Variants in NUMB observed in about 807,000 individuals in gnomAD.
The protein encoded by NUMB is protein numb homolog.
In NUMB, 29 loss-of-function variants were observed where a neutral mutation model predicts 59.7. That is an observed-to-expected ratio of 0.49 (90% CI 0.36 to 0.66). NUMB has a LOEUF of 0.66. Ranked by LOEUF, NUMB falls within the 30% of genes least tolerant of loss-of-function variation. The pLI, the probability that NUMB is intolerant of heterozygous loss-of-function variation, is 0.00. For synonymous variants in NUMB, 288 were observed against 288.2 expected (o/e 1.00, Z 0.01); for missense variants, 723 against 822.0 (o/e 0.88, Z 1.47).
At chr14:73,356,581 T>G (rs571436597) in intron 3 of NUMB, among the ~76,000 whole-genome samples, 1 of 152,200 alleles carries the variant, frequency 6.6e-6, no homozygotes, top group South Asian at 2.1e-4. Context: ...AGGTGGAGGT[T>G]GCAGTGAGCC....
chr14:73,390,517 A>C (rs1895785936), intron 2 of NUMB, among the ~76,000 whole-genome samples: 1 of 151,932 alleles, frequency 6.6e-6, no homozygotes, highest in South Asian at 2.1e-4. Context: ...CAATCCTCCA[A>C]AGCAAAGTCA....
chr14:73,444,855 CAA>C (rs11370548), intron 1 of NUMB, among the ~76,000 whole-genome samples: 80 of 118,476 alleles, frequency 6.8e-4, no homozygotes, highest in African/African-American at 2.1e-3. Flanking sequence ...CACTCCGTCT[CAA>C]AAAAAAAAAA....
intron 2 of NUMB, among the ~76,000 whole-genome samples, chr14:73,372,319 A>ATATATATATAACCTTT (rs1566766463): frequency 2.7e-4 from 29 of 107,768 alleles, no homozygotes; most frequent in Middle Eastern, 4.9e-3. Flanking sequence ...ATATATATAT[A>ATATATATATAACCTTT]TATATATATA....
intron 4 of NUMB, among the ~76,000 whole-genome samples, chr14:73,331,104 C>T (rs1333791129): frequency 1.3e-5 from 2 of 152,044 alleles, no homozygotes; most frequent in Non-Finnish European, 2.9e-5. Flanking sequence ...TCTTAAAGTG[C>T]TAATTCTCTT....
chr14:73,292,812 A>G lies in NUMB; in HGVS notation c.372T>C (p.Asp124=), dbSNP rs1246030237. Residue 124 remains aspartate (D), a synonymous_variant, in exon 8 of 13, where the codon GAT becomes GAC. Coordinates refer to ENST00000555238, the MANE Select transcript of NUMB (RefSeq NM_001005743.2). The part of the protein sequence containing the change: ...VSFCAPDRNF[D]RAFSYICRDG... ...CACGGCATATGTAAGAAAAGGCTCT[A>G]TCAAAGTTCCTGTCTGGGGCACAGA... 1.2e-6 allele frequency: 2 copies of G among 1,614,114 alleles called. No homozygotes were observed. Among genetic ancestry groups the G allele is most frequent in the Non-Finnish European group, 8.5e-7 (1 of 1,180,032 alleles).
intron 1 of NUMB, among the ~76,000 whole-genome samples, chr14:73,415,943 A>G (rs1295279884): frequency 6.6e-6 from 1 of 152,210 alleles, no homozygotes; most frequent in Non-Finnish European, 1.5e-5. Context: ...AGAAAGAAAA[A>G]AAATCTAGAT....
At chr14:73,385,378 G>A (rs921217972) in intron 2 of NUMB, among the ~76,000 whole-genome samples, 14 of 147,578 alleles carry the variant, frequency 9.5e-5, no homozygotes, top group Middle Eastern at 3.5e-3. Context: ...AAACTCCTGG[G>A]CTCAAGTGAT....
chr14:73,384,877 C>G (rs549295003), intron 2 of NUMB, among the ~76,000 whole-genome samples: 2 of 148,854 alleles, frequency 1.3e-5, no homozygotes, highest in East Asian at 4.1e-4. Flanking sequence ...CATGCCCAGC[C>G]AAATAACTGT....
At chr14:73,361,651 T>C (rs754993758) in intron 3 of NUMB, among the ~76,000 whole-genome samples, 2 of 152,180 alleles carry the variant, frequency 1.3e-5, no homozygotes, top group Non-Finnish European at 2.9e-5. Flanking sequence ...GTCTGTTGTT[T>C]CCTTGTGTTC....
At chr14:73,338,314 A>G (rs1368071492) in intron 4 of NUMB, among the ~76,000 whole-genome samples, 1 of 152,082 alleles carries the variant, frequency 6.6e-6, no homozygotes, top group Non-Finnish European at 1.5e-5. Context: ...AAAAAAAAAA[A>G]GTTAACTTAT....
At chr14:73,423,744 A>G (rs1019948306) in intron 1 of NUMB, among the ~76,000 whole-genome samples, 14 of 152,044 alleles carry the variant, frequency 9.2e-5, no homozygotes, top group African/African-American at 3.4e-4. Flanking sequence ...CAGGAGGCAG[A>G]GGTTGTAGTG....
intron 2 of NUMB, among the ~76,000 whole-genome samples, chr14:73,381,627 A>C (rs1895250378): frequency 6.6e-6 from 1 of 152,166 alleles, no homozygotes; most frequent in African/African-American, 2.4e-5. Flanking sequence ...CCACTATAAG[A>C]AGTTCATAAC....
intron 4 of NUMB, among the ~76,000 whole-genome samples, chr14:73,326,172 G>C (rs1333887032): frequency 6.6e-6 from 1 of 152,152 alleles, no homozygotes; most frequent in East Asian, 1.9e-4. Flanking sequence ...CCCTGCAGCT[G>C]CACAGGTAAG....
intron 6 of NUMB, among the ~76,000 whole-genome samples, chr14:73,301,159 G>A (rs111518559): frequency 0.012 from 1,889 of 152,240 alleles, 39 homozygotes; most frequent in African/African-American, 0.043. Flanking sequence ...GAAAAAATAC[G>A]CTAAATATCT....
chr14:73,301,403 A>G (rs1054198809), intron 6 of NUMB, among the ~76,000 whole-genome samples: 1 of 152,192 alleles, frequency 6.6e-6, no homozygotes, highest in Non-Finnish European at 1.5e-5. Context: ...TCTCCTTACA[A>G]TATTCAGGGA....
At chr14:73,449,998 T>G (rs550664629) in intron 1 of NUMB, among the ~76,000 whole-genome samples, 3 of 152,352 alleles carry the variant, frequency 2.0e-5, no homozygotes, top group Non-Finnish European at 4.4e-5. Context: ...TTAAAATACC[T>G]GTAATGTTTT....
chr14:73,424,594 T>C (rs935683162), intron 1 of NUMB, among the ~76,000 whole-genome samples: 1 of 152,170 alleles, frequency 6.6e-6, no homozygotes, highest in African/African-American at 2.4e-5. Flanking sequence ...TACTCAGGGC[T>C]TGATGTAAGA....
chr14:73,431,856 C>A (rs1403390303), intron 1 of NUMB, among the ~76,000 whole-genome samples: 1 of 152,044 alleles, frequency 6.6e-6, no homozygotes, highest in African/African-American at 2.4e-5. Context: ...TATACTTACT[C>A]TTTCTAAAAT....
intron 1 of NUMB, among the ~76,000 whole-genome samples, chr14:73,452,119 G>C (rs1260338452): frequency 6.6e-6 from 1 of 152,132 alleles, no homozygotes; most frequent in Non-Finnish European, 1.5e-5. Context: ...CAGAACTTTG[G>C]GAGGCCAGGG....
Sources: allele counts gnomAD v4.1 joint callset (sites outside exome capture counted in the v4.1 genomes callset), GRCh38; gene constraint gnomAD v4.1.1; transcripts MANE v1.5; gene names NCBI Gene and HGNC (gene_info 2026-07-23, HGNC 2026-07-21).